Variants in ICE1 observed in about 807,000 individuals in gnomAD.
ICE1 encodes interactor of little elongation complex ELL subunit 1, also known as little elongation complex subunit 1.
In ICE1, 64 loss-of-function variants were observed where a neutral mutation model predicts 192.7. The ratio of observed to expected loss-of-function variants is 0.33; its 90% CI spans 0.27 to 0.41. The LOEUF (loss-of-function observed/expected upper bound fraction) is 0.41. Ranked by LOEUF, ICE1 falls within the 10% of genes least tolerant of loss-of-function variation. The pLI, the probability that ICE1 is intolerant of heterozygous loss-of-function variation, is 1.00. For synonymous variants in ICE1, 1,010 were observed against 984.5 expected (o/e 1.03, Z -0.49); for missense variants, 2,708 against 2,696.0 (o/e 1.00, Z -0.10).
At position 5,486,729 on chromosome 5, in the gene ICE1, G is replaced by C. The variant is rs1315387093; in HGVS notation, c.6529G>C (p.Gly2177Arg). 4 of 1,596,314 alleles carry C rather than the reference G, an allele frequency of 2.5e-6. No homozygotes were observed. Among genetic ancestry groups the C allele is most frequent in the Non-Finnish European group, 3.4e-6 (4 of 1,170,288 alleles). ...TGGTTTGTTTCCCCTAGGTCGTTTA[G>C]GCCAATTGGGTTTGAAAGAAGGATT... is the stretch of plus-strand genomic sequence containing the variant. ...ASILRLIGRL[G>R]QLGLKEGFPS... The change falls in exon 18 of 19, where the codon GGC becomes CGC. Residue 2177 changes from glycine to arginine, a missense_variant. Around this residue, in one of 2 missense-constraint regions of ICE1, gnomAD observed 342 missense variants for 419.3 expected, o/e 0.82. Transcript: ENST00000296564.
At chr5:5,480,805 A>G (rs1392216922) in intron 17 of ICE1, among the ~76,000 whole-genome samples, 1 of 152,254 alleles carries the variant, frequency 6.6e-6, no homozygotes, top group Non-Finnish European at 1.5e-5. Context: ...GAAATAACCA[A>G]TAATACACTT....
At chr5:5,475,622 TA>T (rs1184823416) in intron 16 of ICE1, among the ~76,000 whole-genome samples, 21 of 152,224 alleles carry the variant, frequency 1.4e-4, no homozygotes, top group African/African-American at 4.6e-4. Context: ...ACTTGGCTTC[TA>T]AAACACAGGG....
Position 5,485,739 on chromosome 5 carries a change from A to G in ICE1, c.6521-982A>G, listed in dbSNP as rs537448951. 2.0e-5 allele frequency among the ~76,000 whole-genome samples: 3 copies of G among 152,350 alleles called. 1 individual carries two copies. The highest frequency in any genetic ancestry group is 4.1e-4 in the South Asian group (2 of 4,834). On this transcript the variant is annotated intron_variant, in intron 17 of 18. Transcript: ENST00000296564. The stretch of plus-strand genomic sequence containing the variant: ...ATTGACATAGATCTTCGAAATGCCA[A>G]CAATACCCAAAAATCACATTTAATA...
At chr5:5,442,361 T>C (rs1561077794) in intron 5 of ICE1, among the ~76,000 whole-genome samples, 1 of 152,230 alleles carries the variant, frequency 6.6e-6, no homozygotes, top group Non-Finnish European at 1.5e-5. Flanking sequence ...AGGTCTTACG[T>C]GCTTTAATAG....
chr5:5,438,697 A>G (rs1029888435), intron 3 of ICE1, among the ~76,000 whole-genome samples: 1 of 152,208 alleles, frequency 6.6e-6, no homozygotes, highest in African/African-American at 2.4e-5. Context: ...CATGTAACCT[A>G]GCAGAGAAAT....
chr5:5,481,608 C>G (rs1739504932), intron 17 of ICE1, among the ~76,000 whole-genome samples: 1 of 152,088 alleles, frequency 6.6e-6, no homozygotes, highest in South Asian at 2.1e-4. Context: ...CTGCAAAGCT[C>G]TATAGGCATG....
intron 4 of ICE1, among the ~76,000 whole-genome samples, chr5:5,440,479 A>G (rs10069021): frequency 0.062 from 9,487 of 152,270 alleles, 974 homozygotes; most frequent in African/African-American, 0.22. Flanking sequence ...TCTTCAGCAA[A>G]TTAAGAATCT....
At chr5:5,443,288 T>G in intron 6 of ICE1, 44 bp downstream of exon 6, 1 of 1,051,546 alleles carries the variant, frequency 9.5e-7, no homozygotes. Context: ...TTTTCAGTTT[T>G]GAAAATACGT....
Position 5,422,963 on chromosome 5 carries a change from C to A in ICE1, c.48C>A (p.Asp16Glu). ...CGGCGGCGCCCGGGACGGCGGCGGACCTGTCGCGATGTCAGGGCTGCGCCT... is the reference window on the plus strand; with the variant it reads ...CGGCGGCGCCCGGGACGGCGGCGGAACTGTCGCGATGTCAGGGCTGCGCCT... Reference protein sequence around the residue: ...THSAAPGTAADLSRCQGCASL... With the variant: ...THSAAPGTAAELSRCQGCASL... Residue 16 changes from aspartate (D) to glutamate (E), a missense_variant, in exon 1 of 19, where the codon GAC becomes GAA. Around this residue, in one of 2 missense-constraint regions of ICE1, gnomAD observed 2,366 missense variants for 2,276.6 expected, o/e 1.04. Coordinates refer to ENST00000296564, the MANE Select transcript of ICE1 (RefSeq NM_015325.3). 3 of 1,455,864 alleles carry A rather than the reference C, an allele frequency of 2.1e-6. No homozygotes were observed. Among genetic ancestry groups the A allele is most frequent in the Non-Finnish European group, 1.8e-6 (2 of 1,106,692 alleles). 90.2% of individuals were successfully genotyped at this position (1,455,864 alleles called of 1,614,324 possible).
At chr5:5,441,957 G>T (rs1027427979) in intron 5 of ICE1, among the ~76,000 whole-genome samples, 3 of 152,110 alleles carry the variant, frequency 2.0e-5, no homozygotes, top group Non-Finnish European at 4.4e-5. Flanking sequence ...TTCTTTTAGG[G>T]CATGTTCGAT....
chr5:5,478,524 G>A (rs1016721723), intron 17 of ICE1, among the ~76,000 whole-genome samples: 2 of 152,124 alleles, frequency 1.3e-5, no homozygotes, highest in Non-Finnish European at 2.9e-5. Flanking sequence ...TAACCACACT[G>A]CCCAAAGTAA....
intron 16 of ICE1, among the ~76,000 whole-genome samples, chr5:5,475,655 T>A (rs1394153452): frequency 6.6e-6 from 1 of 152,114 alleles, no homozygotes; most frequent in Non-Finnish European, 1.5e-5. Context: ...ACCTGGAGAG[T>A]CCAAGTGAAA....
At chr5:5,448,666 T>C (rs1738321008) in intron 10 of ICE1, among the ~76,000 whole-genome samples, 1 of 152,256 alleles carries the variant, frequency 6.6e-6, no homozygotes, top group East Asian at 1.9e-4. Flanking sequence ...GTTATTTTTT[T>C]CTCCAAGTGG....
At chr5:5,424,421 C>T (rs571400183) in intron 1 of ICE1, among the ~76,000 whole-genome samples, 1 of 151,948 alleles carries the variant, frequency 6.6e-6, no homozygotes, top group East Asian at 1.9e-4. Context: ...TGGAGTTCTC[C>T]CGAATCTTTA....
chr5:5,469,360 T>A (rs1450477689), intron 15 of ICE1, among the ~76,000 whole-genome samples: 1 of 152,222 alleles, frequency 6.6e-6, no homozygotes, highest in East Asian at 1.9e-4. Context: ...TTAGGATTTT[T>A]AAAATCTAAT....
chr5:5,443,799 A>G (rs1298089087), intron 6 of ICE1, among the ~76,000 whole-genome samples: 1 of 152,238 alleles, frequency 6.6e-6, no homozygotes, highest in Non-Finnish European at 1.5e-5. Context: ...TTGAATGTAG[A>G]TGTAATGAAG....
chr5:5,472,372 C>T (rs1739187078), intron 15 of ICE1, among the ~76,000 whole-genome samples: 1 of 152,132 alleles, frequency 6.6e-6, no homozygotes, highest in African/African-American at 2.4e-5. Context: ...ACACCTGAAA[C>T]ATAGGAGATT....
At chr5:5,440,381 A>G (rs1030191571) in intron 4 of ICE1, among the ~76,000 whole-genome samples, 5 of 152,220 alleles carry the variant, frequency 3.3e-5, no homozygotes, top group Non-Finnish European at 7.3e-5. Flanking sequence ...TGTCACTTAA[A>G]TTGAATAAAT....
chr5:5,435,670 T>C (rs200129202), intron 1 of ICE1, among the ~76,000 whole-genome samples: 2 of 115,754 alleles, frequency 1.7e-5, no homozygotes, highest in African/African-American at 3.4e-5. Context: ...TTTTTTTTTT[T>C]TTGTTTTGTT....
Sources: gnomAD v4.1 joint callset for allele counts (sites outside exome capture counted in the v4.1 genomes callset) on GRCh38, gnomAD v4.1.1 for gene constraint, gnomAD v4.1.1 regional missense constraint, MANE v1.5 for transcripts, NCBI Gene and HGNC (gene_info 2026-07-23, HGNC 2026-07-21) for gene names.